MVB12B: variants seen among roughly 807,000 people sequenced by gnomAD.
MVB12B encodes multivesicular body subunit 12B.
Under a neutral mutation model 41.6 loss-of-function variants are expected in MVB12B, and 16 were observed. That is an observed-to-expected ratio of 0.38 (90% CI 0.26 to 0.58). MVB12B has a LOEUF of 0.58. Ranked by LOEUF, MVB12B falls within the 20% of genes least tolerant of loss-of-function variation. The probability of loss-of-function intolerance (pLI) is 0.62; values close to 1 mark genes in which losing one functional copy is unlikely to be tolerated. For missense variants in MVB12B, 274 were observed against 380.2 expected (o/e 0.72, Z 2.32); for synonymous variants, 133 against 139.7 (o/e 0.95, Z 0.34).
chr9:126,474,727 C>T (rs1833387337), intron 7 of MVB12B, among the ~76,000 whole-genome samples: 1 of 152,236 alleles, frequency 6.6e-6, no homozygotes, highest in African/African-American at 2.4e-5. Context: ...GGACACCATA[C>T]TGGGCTCTGA....
chr9:126,455,803 G>A (rs929129643), intron 7 of MVB12B, among the ~76,000 whole-genome samples: 1 of 151,908 alleles, frequency 6.6e-6, no homozygotes, highest in Non-Finnish European at 1.5e-5. Context: ...GGGTATTTGA[G>A]CCTCTAATGC....
Position 126,386,706 on chromosome 9 carries a change from C to A in MVB12B, c.409+48C>A. 1 of 1,364,400 alleles carries A rather than the reference C, an allele frequency of 7.3e-7. No homozygotes were observed. The allele number at this position is 1,364,400 out of a possible 1,614,324, so 84.5% of individuals were successfully genotyped here. On this transcript the variant is annotated intron_variant, in intron 4 of 9. Transcript: ENST00000361171. The surrounding 1 kb of genome is among the most constrained non-coding windows in gnomAD (Gnocchi z 4.3). ...TCATCACAATGAGCGTTTTCTTCCT[C>A]CAGGTATATTTGTAGGTGTTTTTCT...
rs1830206099 is a variant in MVB12B, at chr9:126,367,194, C to T, written c.205-13870C>T. 1.3e-5 allele frequency among the ~76,000 whole-genome samples: 2 copies of T among 152,172 alleles called. No homozygotes were observed. Among genetic ancestry groups the T allele is most frequent in the South Asian group, 2.1e-4 (1 of 4,832 alleles). On this transcript the variant is annotated intron_variant, in intron 2 of 9. Coordinates refer to ENST00000361171, the MANE Select transcript of MVB12B (RefSeq NM_033446.3). The surrounding 1 kb of genome is among the most constrained non-coding windows in gnomAD (Gnocchi z 4.3). The stretch of plus-strand genomic sequence containing the variant: ...TGCCTCCCATCTCGACTCCAGGTTT[C>T]TCCTATAAGCGCCACTCTGAGAATT...
chr9:126,470,423 C>T, intron 7 of MVB12B, among the ~76,000 whole-genome samples: 1 of 152,172 alleles, frequency 6.6e-6, no homozygotes, highest in East Asian at 1.9e-4. Flanking sequence ...TGCCTTCCCT[C>T]TGTGCTCCCA....
chr9:126,379,316 AT>A (rs1185078990), intron 2 of MVB12B, among the ~76,000 whole-genome samples: 3 of 152,186 alleles, frequency 2.0e-5, no homozygotes, highest in African/African-American at 4.8e-5. Flanking sequence ...GCATCCTAGA[AT>A]TGAGGAAATA....
At chr9:126,482,987 C>T (rs1212030845) in intron 8 of MVB12B, among the ~76,000 whole-genome samples, 1 of 152,268 alleles carries the variant, frequency 6.6e-6, no homozygotes, top group African/African-American at 2.4e-5. Flanking sequence ...GGTTTTGAGT[C>T]TGGGTCCTCA....
intron 2 of MVB12B, among the ~76,000 whole-genome samples, chr9:126,346,664 G>A (rs981363984): frequency 6.6e-6 from 1 of 152,190 alleles, no homozygotes; most frequent in Non-Finnish European, 1.5e-5. Context: ...GACTAGAAGA[G>A]AGGGTGTGCC....
chr9:126,496,586 G>A (rs1331247713), intron 9 of MVB12B, among the ~76,000 whole-genome samples: 1 of 152,042 alleles, frequency 6.6e-6, no homozygotes, highest in Non-Finnish European at 1.5e-5. Flanking sequence ...GTTGTGGTCC[G>A]TTCTCCCCGG....
intron 7 of MVB12B, among the ~76,000 whole-genome samples, chr9:126,439,084 C>CT (rs1052913778): frequency 2.0e-5 from 3 of 149,044 alleles, no homozygotes; most frequent in African/African-American, 7.4e-5. Context: ...GGGAATCGGA[C>CT]TTTTTTTTTT....
At chr9:126,375,327 C>T (rs1325507891) in intron 2 of MVB12B, among the ~76,000 whole-genome samples, 2 of 138,570 alleles carry the variant, frequency 1.4e-5, no homozygotes, top group African/African-American at 2.7e-5. Context: ...TTTCACAGTA[C>T]GTTCTTAAAA....
chr9:126,405,602 A>G (rs1221495521), intron 6 of MVB12B, among the ~76,000 whole-genome samples: 1 of 152,028 alleles, frequency 6.6e-6, no homozygotes, highest in Non-Finnish European at 1.5e-5. Flanking sequence ...GATATTTCCC[A>G]GGATTTTACT....
At position 126,473,777 on chromosome 9, in the gene MVB12B, TACAATTGA is replaced by T. The variant is rs1210027111; in HGVS notation, c.758-7588_758-7581del. Among the ~76,000 whole-genome samples the T allele has an allele frequency of 6.6e-6, 1 of 152,200 alleles. No homozygotes were observed. The highest frequency in any genetic ancestry group is 2.4e-5 in the African/African-American group (1 of 41,432). On this transcript the variant is annotated intron_variant, in intron 7 of 9. Coordinates refer to ENST00000361171, the MANE Select transcript of MVB12B (RefSeq NM_033446.3). The surrounding 1 kb of genome is among the most constrained non-coding windows in gnomAD (Gnocchi z 4.0). ...CCGGGCCCCCTCCAATACCGGGGAT[TACAATTGA>T]ACATGAGATTTGGGTATTTGGGTGG...
rs763288475 is a variant in MVB12B at position 126,376,599 on chromosome 9, C to A, written c.205-4465C>A. The A allele has an allele frequency of 9.4e-5, 121 of 1,289,272 alleles. No homozygotes were observed. Among genetic ancestry groups the A allele is most frequent in the Admixed American group, 3.7e-4 (16 of 43,544 alleles). The allele number at this position is 1,289,272 out of a possible 1,614,324, so 79.9% of individuals were successfully genotyped here. Reference sequence around the variant, plus strand: ...GACAAAGCCCTCAGTGTCCAGTGTTCAGGGGAGGCGGCTGGAAGCAAGAAG... The same window carrying A: ...GACAAAGCCCTCAGTGTCCAGTGTTAAGGGGAGGCGGCTGGAAGCAAGAAG... On this transcript the variant is annotated intron_variant, in intron 2 of 9. Transcript: ENST00000361171. This position sits in a 1 kb window ranked among gnomAD's most constrained non-coding sequence, Gnocchi z 4.1.
intron 2 of MVB12B, among the ~76,000 whole-genome samples, chr9:126,355,429 A>G (rs918328899): frequency 1.4e-4 from 22 of 152,248 alleles, no homozygotes; most frequent in African/African-American, 3.6e-4. Context: ...GGCATAAACA[A>G]TACTCAGGTT....
Position 126,503,333 on chromosome 9 carries a change from C to A in MVB12B, c.*70C>A, listed in dbSNP as rs3814128. ...CTGACGGCAGGGGCTGCTGCCCCCG[C>A]CTCCTCCTGCCGCCTCCGCCAGCCC... On this transcript the variant is annotated 3_prime_UTR_variant, in exon 10 of 10. Transcript: ENST00000361171. 252,187 of 1,288,340 alleles carry A rather than the reference C, an allele frequency of 0.2. 27,110 individuals carry two copies. Among genetic ancestry groups the A allele is most frequent in the African/African-American group, 0.43 (28,982 of 68,038 alleles). 79.8% of individuals were successfully genotyped at this position (1,288,340 alleles called of 1,614,324 possible). A position where few individuals can be genotyped will look rare whatever the true frequency, so the allele number is the denominator to read the frequency against.
At chr9:126,396,715 T>G in intron 6 of MVB12B, 1 of 985,478 alleles carries the variant, frequency 1.0e-6, no homozygotes, top group East Asian at 1.1e-4. Flanking sequence ...AAAGACAATC[T>G]GGTCCTTCTC....
At chr9:126,439,844 G>T (rs2119135212) in intron 7 of MVB12B, among the ~76,000 whole-genome samples, 1 of 152,272 alleles carries the variant, frequency 6.6e-6, no homozygotes, top group South Asian at 2.1e-4. Flanking sequence ...GACTTTATAT[G>T]GATTCTCTAA....
intron 1 of MVB12B, among the ~76,000 whole-genome samples, chr9:126,328,566 A>C (rs1333149242): frequency 6.6e-6 from 1 of 152,172 alleles, no homozygotes; most frequent in Non-Finnish European, 1.5e-5. Context: ...TCTGAGTTTC[A>C]GTTTCCTCAT....
chr9:126,497,672 C>G (rs891420098), intron 9 of MVB12B, among the ~76,000 whole-genome samples: 16 of 152,208 alleles, frequency 1.1e-4, no homozygotes, highest in African/African-American at 3.9e-4. Context: ...CTCCCTACCC[C>G]CAAGGCCCAC....
Sources: allele counts gnomAD v4.1 joint callset (sites outside exome capture counted in the v4.1 genomes callset), GRCh38; gene constraint gnomAD v4.1.1; non-coding constraint Gnocchi (gnomAD v3.1); transcripts MANE v1.5; gene names NCBI Gene and HGNC (gene_info 2026-07-23, HGNC 2026-07-21).